Variants in CACNA1G observed in about 807,000 individuals in gnomAD.
CACNA1G encodes the protein voltage-dependent T-type calcium channel subunit alpha-1G.
Under a neutral mutation model 219.4 loss-of-function variants are expected in CACNA1G, and 67 were observed. That is an observed-to-expected ratio of 0.31 (90% CI 0.25 to 0.37). CACNA1G has a LOEUF of 0.37. Ranked by LOEUF, CACNA1G falls within the 10% of genes least tolerant of loss-of-function variation. CACNA1G has a pLI of 1.00. For synonymous variants in CACNA1G, 1,296 were observed against 1,345.3 expected, an observed-to-expected ratio of 0.96 and a Z score of 0.80; for missense variants, 2,380 against 3,231.4, an observed-to-expected ratio of 0.74 and a Z score of 6.39.
In CACNA1G at chr17:50,601,169, A is replaced by G; in HGVS notation, c.3910A>G (p.Ser1304Gly). Residue 1304 changes from serine (S) to glycine (G), a missense_variant, in exon 19 of 38, where the codon AGC becomes GGC. Around this residue, in one of 17 missense-constraint regions of CACNA1G, gnomAD observed 153 missense variants for 374.9 expected, o/e 0.41. Transcript: ENST00000359106. ...GGAGCGCCCCAAAATTGACCCCCAC[A>G]GCGCTGTGAGTCACCAGCCCCGCTC... ...AMERPKIDPH[S>G]AERIFLTLSN... 6.2e-7 allele frequency: 1 copy of G among 1,613,686 alleles called. No individual in the cohort carries two copies. The highest frequency in any genetic ancestry group is 8.5e-7 in the Non-Finnish European group (1 of 1,179,826).
intron 26 of CACNA1G, 148 bp from the exon 27 acceptor site, chr17:50,615,213 G>A (rs1036611192): frequency 1.3e-6 from 1 of 755,816 alleles, no homozygotes; most frequent in Non-Finnish European, 2.0e-6. Flanking sequence ...CCCCCACCAA[G>A]GGGCAGCGTG....
At chr17:50,574,917 C>A (rs2040302314) in intron 7 of CACNA1G, among the ~76,000 whole-genome samples, 1 of 152,020 alleles carries the variant, frequency 6.6e-6, no homozygotes, top group South Asian at 2.1e-4. Flanking sequence ...TTCAGCCCCT[C>A]CCACATCTGA....
chr17:50,581,512 T>G (rs571412145), intron 9 of CACNA1G, among the ~76,000 whole-genome samples: 3 of 152,106 alleles, frequency 2.0e-5, no homozygotes, highest in Non-Finnish European at 4.4e-5. Context: ...CACCATCCCC[T>G]GGCTGACTCA....
Position 50,621,639 on chromosome 17 carries a change from A to T in CACNA1G, c.5926-21A>T. 1.2e-6 allele frequency: 2 copies of T among 1,612,320 alleles called. No individual in the cohort carries two copies. Among genetic ancestry groups the T allele is most frequent in the Non-Finnish European group, 8.5e-7 (1 of 1,178,748 alleles). ...GCGCTGTCCTGGTTTCTCATGCCTG[A>T]TCATCTCTCTCCCTGTCTAGATCCC... On this transcript the variant is annotated intron_variant, in intron 34 of 37. Coordinates refer to ENST00000359106, the MANE Select transcript of CACNA1G (RefSeq NM_018896.5). The surrounding 1 kb of genome is among the most constrained non-coding windows in gnomAD (Gnocchi z 4.6).
chr17:50,567,176 G>A (rs198542), intron 1 of CACNA1G, among the ~76,000 whole-genome samples: 77,959 of 152,136 alleles, frequency 0.51, 20,729 homozygotes, highest in East Asian at 0.93. Flanking sequence ...AAACAATTCC[G>A]TGGAAACAGA....
intron 25 of CACNA1G, among the ~76,000 whole-genome samples, chr17:50,609,669 G>A (rs749762320): frequency 3.9e-5 from 6 of 152,182 alleles, no homozygotes; most frequent in South Asian, 2.1e-4. Flanking sequence ...TCCCTGCCCC[G>A]TGACCCTGAC....
At chr17:50,607,191 A>G (rs2048138127) in intron 24 of CACNA1G, 1 of 633,752 alleles carries the variant, frequency 1.6e-6, no homozygotes, top group Non-Finnish European at 2.9e-6. Context: ...GTTTTGAATT[A>G]GTGATGAATA....
chr17:50,618,465 CA>C lies in CACNA1G; in HGVS notation c.5427+123del. The C allele has an allele frequency of 7.5e-7, 1 of 1,338,934 alleles. No homozygotes were observed. The highest frequency in any genetic ancestry group is 1.4e-5 in the African/African-American group (1 of 69,538). The allele number at this position is 1,338,934 out of a possible 1,614,324, so 82.9% of individuals were successfully genotyped here. A position where few individuals can be genotyped will look rare whatever the true frequency, so the allele number is the denominator to read the frequency against. On this transcript the variant is annotated intron_variant, in intron 32 of 37. Transcript: ENST00000359106. This position sits in a 1 kb window ranked among gnomAD's most constrained non-coding sequence, Gnocchi z 5.3. ...TGACCTTCTCTCCCCCGTGCTAGAA[CA>C]CTCTGGAACTCCCTCTCCCAGGAAC...
rs1185613452 is a variant in CACNA1G, at chr17:50,601,060, C to G, written c.3801C>G (p.Leu1267=). 1.2e-6 allele frequency: 2 copies of G among 1,613,810 alleles called. No individual in the cohort carries two copies. The highest frequency in any genetic ancestry group is 1.7e-6 in the Non-Finnish European group (2 of 1,179,802). Residue 1267 remains leucine (L), a synonymous_variant, in exon 19 of 38, where the codon CTC becomes CTG. Coordinates refer to ENST00000359106, the MANE Select transcript of CACNA1G (RefSeq NM_018896.5). ...YIFPPQSRFR[L]LCHRIITHKM... ...CTCCATGCCTGGGCAGGTTCCGCCT[C>G]CTGTGTCACCGGATCATCACCCACA...
At chr17:50,624,170 G>T in intron 36 of CACNA1G, 95 bp downstream of exon 36, 2 of 1,463,750 alleles carry the variant, frequency 1.4e-6, no homozygotes, top group Admixed American at 1.8e-5. Flanking sequence ...AACTGAGGCA[G>T]CCAAAGAGGT....
At chr17:50,564,125 A>AGTGTGTGTGTGTGTGTGTGTGTGTGT (rs67152102) in intron 1 of CACNA1G, among the ~76,000 whole-genome samples, 13 of 138,610 alleles carry the variant, frequency 9.4e-5, no homozygotes, top group African/African-American at 3.5e-4. Flanking sequence ...CCAGGTAGGA[A>AGTGTGTGTGTGTGTGTGTGTGTGTGT]GTGTGTGTGT....
rs1413954832 is a variant in CACNA1G, at chr17:50,603,132, G to A, written c.4102G>A (p.Asp1368Asn). 5 of 1,612,842 alleles carry A rather than the reference G, an allele frequency of 3.1e-6. No homozygotes were observed. In the Middle Eastern group the frequency reaches 6.7e-4, roughly 215 times the overall value. The change falls in exon 21 of 38, where the codon GAC becomes AAC. Residue 1368 changes from aspartate (D) to asparagine (N), a missense_variant. Asp to Asn is a conservative substitution (Grantham distance 23). Around this residue, in one of 17 missense-constraint regions of CACNA1G, gnomAD observed 153 missense variants for 374.9 expected, o/e 0.41. Coordinates refer to ENST00000359106, the MANE Select transcript of CACNA1G (RefSeq NM_018896.5). This position sits in a 1 kb window ranked among gnomAD's most constrained non-coding sequence, Gnocchi z 6.4. ...CGACATTCTGGTGTCCATGGTCTCT[G>A]ACAGCGGCACCAAGATCCTGGGCAT... ...VIDILVSMVSDSGTKILGMLR... is the reference protein window; with the variant it reads ...VIDILVSMVSNSGTKILGMLR...
chr17:50,612,849 G>T (rs1247991274), intron 26 of CACNA1G, among the ~76,000 whole-genome samples: 1 of 152,214 alleles, frequency 6.6e-6, no homozygotes, highest in Non-Finnish European at 1.5e-5. Context: ...GCAGGGAGGT[G>T]GTGCCACAGC....
chr17:50,566,036 G>T (rs77997974), intron 1 of CACNA1G, among the ~76,000 whole-genome samples: 1 of 152,198 alleles, frequency 6.6e-6, no homozygotes, highest in East Asian at 1.9e-4. Context: ...AGTGTCCCCC[G>T]TTCCCTTGGT....
chr17:50,593,399 A>T (rs2044768787), intron 13 of CACNA1G, among the ~76,000 whole-genome samples: 1 of 152,126 alleles, frequency 6.6e-6, no homozygotes, highest in South Asian at 2.1e-4. Context: ...GAAATGGAAA[A>T]CACCGCGGGC....
At chr17:50,586,894 G>C (rs1333091243) in intron 9 of CACNA1G, among the ~76,000 whole-genome samples, 1 of 152,230 alleles carries the variant, frequency 6.6e-6, no homozygotes, top group Non-Finnish European at 1.5e-5. Context: ...GAGGGGAGTG[G>C]AGGTGTTAGG....
In CACNA1G at chr17:50,571,329, C is replaced by T. The variant is rs765399093; in HGVS notation, c.587-549C>T. 3.3e-5 allele frequency among the ~76,000 whole-genome samples: 5 copies of T among 152,160 alleles called. No individual in the cohort carries two copies. The highest frequency in any genetic ancestry group is 7.3e-5 in the Non-Finnish European group (5 of 68,038). On this transcript the variant is annotated intron_variant, in intron 4 of 37. Coordinates refer to ENST00000359106, the MANE Select transcript of CACNA1G (RefSeq NM_018896.5). This position sits in a 1 kb window ranked among gnomAD's most constrained non-coding sequence, Gnocchi z 4.3. The stretch of plus-strand genomic sequence containing the variant: ...GCCTGCTGTCATTCCTCCTGGAGTT[C>T]GCTGCCTCAGTTTCCCTAATGACTC...
chr17:50,561,217 A>T lies in CACNA1G; in HGVS notation c.-243A>T. ...CCGGCCGGCTGGCCCGGGAAGCCCCAGGGGCGCAGGGGAAGCGGGACTCGC... is the reference window on the plus strand; with the variant it reads ...CCGGCCGGCTGGCCCGGGAAGCCCCTGGGGCGCAGGGGAAGCGGGACTCGC... On this transcript the variant is annotated 5_prime_UTR_variant, in exon 1 of 38. Transcript: ENST00000359106. 3.6e-6 allele frequency: 2 copies of T among 557,818 alleles called. No individual in the cohort carries two copies. The highest frequency in any genetic ancestry group is 6.3e-6 in the Non-Finnish European group (2 of 315,238). The allele number at this position is 557,818 out of a possible 1,614,324, so 34.6% of individuals were successfully genotyped here. A position where few individuals can be genotyped will look rare whatever the true frequency, so the allele number is the denominator to read the frequency against.
At position 50,626,908 on chromosome 17, in the gene CACNA1G, T is replaced by C. The variant is rs58653983; in HGVS notation, c.*157T>C. 6.1e-3 allele frequency: 5,851 copies of C among 957,238 alleles called. 65 individuals carry two copies. The highest frequency in any genetic ancestry group is 0.023 in the South Asian group (1,786 of 76,626). The allele number at this position is 957,238 out of a possible 1,614,324, so 59.3% of individuals were successfully genotyped here. A position where few individuals can be genotyped will look rare whatever the true frequency, so the allele number is the denominator to read the frequency against. ...GCTCTGGGTACCTGCAAGCAGAACT[T>C]CCAAAGAGAGTTAAAAGCAGCAGCC... On this transcript the variant is annotated 3_prime_UTR_variant, in exon 38 of 38. Coordinates refer to ENST00000359106, the MANE Select transcript of CACNA1G (RefSeq NM_018896.5). This position sits in a 1 kb window ranked among gnomAD's most constrained non-coding sequence, Gnocchi z 4.3.
Sources: gnomAD v4.1 joint callset for allele counts (sites outside exome capture counted in the v4.1 genomes callset) on GRCh38, gnomAD v4.1.1 for gene constraint, gnomAD v4.1.1 regional missense constraint, Gnocchi (gnomAD v3.1) non-coding constraint, MANE v1.5 for transcripts, NCBI Gene and HGNC (gene_info 2026-07-23, HGNC 2026-07-21) for gene names.